The following NELL2 variants were observed in gnomAD, a reference collection of about 807,000 sequenced individuals.
NELL2 encodes the protein neural EGFL like 2.
NELL2 carries 41 observed loss-of-function variants against 109.6 expected under a neutral mutation model. That is an observed-to-expected ratio of 0.37 (90% CI 0.29 to 0.49). The LOEUF (loss-of-function observed/expected upper bound fraction) is 0.49, where lower values mean the gene tolerates loss of function less well. NELL2 is among the 20% of genes least tolerant of loss of function. The pLI, the probability that NELL2 is intolerant of heterozygous loss-of-function variation, is 0.98. For synonymous variants in NELL2, 355 were observed against 344.7 expected, an observed-to-expected ratio of 1.03 and a Z score of -0.33; for missense variants, 900 against 1,008.3, an observed-to-expected ratio of 0.89 and a Z score of 1.45.
intron 13 of NELL2, among the ~76,000 whole-genome samples, chr12:44,644,608 G>GTGTATATATA (rs1461808442): frequency 1.7e-4 from 15 of 90,828 alleles, no homozygotes; most frequent in Admixed American, 2.8e-4. Context: ...ATATATGTAT[G>GTGTATATATA]TATATATATA....
intron 15 of NELL2, among the ~76,000 whole-genome samples, chr12:44,562,956 C>T (rs1003519367): frequency 1.3e-5 from 2 of 152,158 alleles, no homozygotes; most frequent in Admixed American, 6.5e-5. Context: ...GAAAATGTGG[C>T]ACATATATAC....
At chr12:44,603,821 G>A (rs1472685804) in intron 15 of NELL2, among the ~76,000 whole-genome samples, 1 of 152,062 alleles carries the variant, frequency 6.6e-6, no homozygotes, top group African/African-American at 2.4e-5. Flanking sequence ...TCAACTAAAG[G>A]AACAAGGGGT....
At chr12:44,557,118 T>G (rs192406088) in intron 15 of NELL2, among the ~76,000 whole-genome samples, 19 of 152,266 alleles carry the variant, frequency 1.2e-4, no homozygotes, top group Non-Finnish European at 2.5e-4. Flanking sequence ...ACACATCCTT[T>G]CTCGTTCTCC....
chr12:44,742,266 A>G (rs1352427574), intron 9 of NELL2, among the ~76,000 whole-genome samples: 2 of 152,218 alleles, frequency 1.3e-5, no homozygotes, highest in African/African-American at 4.8e-5. Context: ...GTTGGAAGGA[A>G]AACTAACAAA....
intron 15 of NELL2, among the ~76,000 whole-genome samples, chr12:44,544,404 C>A (rs191082407): frequency 2.0e-5 from 3 of 152,094 alleles, no homozygotes; most frequent in Admixed American, 2.0e-4. Context: ...AACCCTAACA[C>A]ACCCTCGTAA....
intron 12 of NELL2, among the ~76,000 whole-genome samples, chr12:44,678,888 G>C (rs1440541430): frequency 3.3e-5 from 5 of 152,046 alleles, no homozygotes; most frequent in African/African-American, 9.7e-5. Flanking sequence ...GATTGAAGTG[G>C]GTTAAGGAGA....
rs948519635 is a variant in NELL2 at position 44,643,631 on chromosome 12, A to G, written c.1444+21853T>C. On this transcript the variant is annotated intron_variant, in intron 13 of 19. Coordinates refer to ENST00000429094, the MANE Select transcript of NELL2 (RefSeq NM_001145108.2). The stretch of plus-strand genomic sequence containing the variant: ...TATTACATCTATATCTGAAAGAAAA[A>G]TCATACATATACAAAAGAAATCATG... Among the ~76,000 whole-genome samples, 5 of 152,184 alleles carry G rather than the reference A, an allele frequency of 3.3e-5. No individual in the cohort carries two copies. In the South Asian group the frequency reaches 8.3e-4, roughly 25 times the overall value.
chr12:44,583,917 T>A (rs1944410008), intron 15 of NELL2, among the ~76,000 whole-genome samples: 1 of 152,046 alleles, frequency 6.6e-6, no homozygotes, highest in South Asian at 2.1e-4. Flanking sequence ...GGACTACAGG[T>A]GTGCACCACC....
chr12:44,646,215 A>T (rs1170575024), intron 13 of NELL2, among the ~76,000 whole-genome samples: 1 of 152,162 alleles, frequency 6.6e-6, no homozygotes, highest in African/African-American at 2.4e-5. Context: ...CAAGTGTGAG[A>T]TATTACTTTC....
chr12:44,846,810 C>G (rs1178429546), intron 2 of NELL2, among the ~76,000 whole-genome samples: 1 of 152,128 alleles, frequency 6.6e-6, no homozygotes, highest in Non-Finnish European at 1.5e-5. Context: ...CTTTCAATTT[C>G]CATTTGAGCT....
At position 44,728,031 on chromosome 12, in the gene NELL2, C is replaced by T. The variant is rs184445707; in HGVS notation, c.995-13290G>A. ...GTTCTTGTTCATACTCTCACTCACA[C>T]ACACACACACAAAATTATTACTTTA... On this transcript the variant is annotated intron_variant, in intron 9 of 19. Coordinates refer to ENST00000429094, the MANE Select transcript of NELL2 (RefSeq NM_001145108.2). 4.5e-4 allele frequency among the ~76,000 whole-genome samples: 69 copies of T among 152,078 alleles called. No homozygotes were observed. In the East Asian group the frequency reaches 0.013, roughly 29 times the overall value.
chr12:44,577,651 T>C (rs1216860258), intron 15 of NELL2, among the ~76,000 whole-genome samples: 1 of 151,876 alleles, frequency 6.6e-6, no homozygotes, highest in Non-Finnish European at 1.5e-5. Context: ...TAATTTTTTG[T>C]ATTTTTTTAG....
In NELL2 at chr12:44,520,098, G is replaced by A; in HGVS notation, c.2307C>T (p.Ile769=). 2 of 1,614,172 alleles carry A rather than the reference G, an allele frequency of 1.2e-6. No homozygotes were observed. Among genetic ancestry groups the A allele is most frequent in the Non-Finnish European group, 1.7e-6 (2 of 1,180,024 alleles). Residue 769 remains isoleucine (I), a synonymous_variant, in exon 19 of 20, where the codon ATC becomes ATT. Transcript: ENST00000429094. ...PCQADTIRND[I]TKTCLDEMNV... ...TCATTTCGTCCAGGCAAGTCTTGGT[G>A]ATGTCATTGCGGATGGTGTCAGCCT...
chr12:44,588,478 A>G (rs1944626612), intron 15 of NELL2, among the ~76,000 whole-genome samples: 1 of 152,164 alleles, frequency 6.6e-6, no homozygotes. Flanking sequence ...CTTAGGGGAC[A>G]TTGTGGAGGA....
chr12:44,560,467 T>C (rs758159799), intron 15 of NELL2, among the ~76,000 whole-genome samples: 7 of 151,860 alleles, frequency 4.6e-5, no homozygotes, highest in South Asian at 2.1e-4. Flanking sequence ...AAGAGTCAAA[T>C]AGACATAATT....
intron 3 of NELL2, among the ~76,000 whole-genome samples, chr12:44,781,951 T>A (rs1941977941): frequency 6.6e-6 from 1 of 151,800 alleles, no homozygotes; most frequent in Non-Finnish European, 1.5e-5. Flanking sequence ...CTTTGGAACA[T>A]CAGGAAGGTA....
intron 2 of NELL2, among the ~76,000 whole-genome samples, chr12:44,840,032 C>T (rs1944175047): frequency 6.6e-6 from 1 of 152,228 alleles, no homozygotes; most frequent in African/African-American, 2.4e-5. Flanking sequence ...TCTACCTACA[C>T]CAAACCACTC....
chr12:44,777,338 A>C, intron 5 of NELL2, 24 bp from the exon 6 acceptor site: 1 of 1,595,272 alleles, frequency 6.3e-7, no homozygotes, highest in Non-Finnish European at 8.6e-7. Context: ...ATAGAAAAAA[A>C]AGACATATTA....
At chr12:44,528,010 C>T (rs1420145122) in intron 16 of NELL2, among the ~76,000 whole-genome samples, 1 of 137,592 alleles carries the variant, frequency 7.3e-6, no homozygotes, top group African/African-American at 2.7e-5. Flanking sequence ...AGGAGAATGG[C>T]GTGAACCGGG....
Sources: gnomAD v4.1 joint callset for allele counts (sites outside exome capture counted in the v4.1 genomes callset) on GRCh38, gnomAD v4.1.1 for gene constraint, MANE v1.5 for transcripts, NCBI Gene and HGNC (gene_info 2026-07-23, HGNC 2026-07-21) for gene names.